CCDC171: variants seen among roughly 807,000 people sequenced by gnomAD.
CCDC171 encodes the protein coiled-coil domain containing 171, also known as coiled-coil domain-containing protein 171.
In CCDC171, 177 loss-of-function variants were observed where a neutral mutation model predicts 168.2. The ratio of observed to expected loss-of-function variants is 1.05; its 90% CI spans 0.93 to 1.19. The LOEUF is 1.19. Ranked by LOEUF, CCDC171 falls within the 50% of genes most tolerant of loss-of-function variation. CCDC171 has a pLI of 0.00. For synonymous variants in CCDC171, 687 were observed against 540.8 expected (o/e 1.27, Z -3.75); for missense variants, 1,991 against 1,539.0 (o/e 1.29, Z -4.91).
intron 8 of CCDC171, among the ~76,000 whole-genome samples, chr9:15,662,607 G>T (rs2048400754): frequency 6.6e-6 from 1 of 152,070 alleles, no homozygotes; most frequent in Non-Finnish European, 1.5e-5. Flanking sequence ...AGACTGTGTA[G>T]TTTCATTATT....
At chr9:16,024,849 A>G (rs889975511) in intron 6 of CCDC171, among the ~76,000 whole-genome samples, 6 of 152,238 alleles carry the variant, frequency 3.9e-5, no homozygotes, top group African/African-American at 1.4e-4. Flanking sequence ...CAGAGATAGT[A>G]TCCTGGGAAG....
Position 15,644,488 on chromosome 9 carries a change from C to T in CCDC171, c.823-12639C>T, listed in dbSNP as rs1587692857. Among the ~76,000 whole-genome samples the T allele has an allele frequency of 7.9e-5, 12 of 152,274 alleles. 1 individual carries two copies. The South Asian group carries it at 2.5e-3, about 32-fold the overall frequency. ...TGCAAGGGGTCAGGGAATTCCCTTT[C>T]CTAGCTAAGGGAAGCTGTGACAGAT... is the stretch of plus-strand genomic sequence containing the variant. On this transcript the variant is annotated intron_variant, in intron 7 of 25. Coordinates refer to ENST00000380701, the MANE Select transcript of CCDC171 (RefSeq NM_173550.4).
chr9:15,720,918 T>G (rs2053437444), intron 11 of CCDC171, among the ~76,000 whole-genome samples: 1 of 152,194 alleles, frequency 6.6e-6, no homozygotes, highest in Non-Finnish European at 1.5e-5. Flanking sequence ...AATTCCCACC[T>G]ATGAGTGAGA....
chr9:15,688,231 A>C (rs937587874), intron 10 of CCDC171, among the ~76,000 whole-genome samples: 1 of 152,138 alleles, frequency 6.6e-6, no homozygotes, highest in African/African-American at 2.4e-5. Flanking sequence ...TAGTAATCAA[A>C]AAAACTCCCA....
chr9:15,825,195 A>G (rs1202941405), intron 21 of CCDC171, among the ~76,000 whole-genome samples: 1 of 152,086 alleles, frequency 6.6e-6, no homozygotes, highest in Non-Finnish European at 1.5e-5. Context: ...GTGTTTGTGG[A>G]ATTTAGATTG....
intron 3 of CCDC171, among the ~76,000 whole-genome samples, chr9:16,018,789 G>C (rs1417528618): frequency 6.6e-6 from 1 of 152,144 alleles, no homozygotes; most frequent in African/African-American, 2.4e-5. Flanking sequence ...GATACCCAAG[G>C]GAGCTACAAA....
Position 15,920,317 on chromosome 9 carries a change from AATC to A in CCDC171, c.3651_3653del (p.Ile1217del). ...ATGTCTACCAGCTTGCAAGCACTAG[AATC>A]ATGACATTAGAGAAGGAAATGACAT... On this transcript the variant is annotated inframe_deletion, in exon 25 of 26. Coordinates refer to ENST00000380701, the MANE Select transcript of CCDC171 (RefSeq NM_173550.4). 1 of 1,608,196 alleles carries A rather than the reference AATC, an allele frequency of 6.2e-7. No individual in the cohort carries two copies. Among genetic ancestry groups the A allele is most frequent in the Non-Finnish European group, 8.5e-7 (1 of 1,176,172 alleles).
chr9:15,857,022 A>G (rs115672890), intron 23 of CCDC171, among the ~76,000 whole-genome samples: 2 of 151,930 alleles, frequency 1.3e-5, no homozygotes, highest in African/African-American at 4.8e-5. Context: ...GGATAAATGT[A>G]TATTCAAGTT....
intron 24 of CCDC171, among the ~76,000 whole-genome samples, chr9:15,906,044 C>CAA: frequency 6.6e-6 from 1 of 151,872 alleles, no homozygotes; most frequent in African/African-American, 2.4e-5. Flanking sequence ...GCTTACCAAC[C>CAA]AAAAAAAATC....
chr9:16,091,450 G>C, the CCDC171 span, among the ~76,000 whole-genome samples: 1 of 152,200 alleles, frequency 6.6e-6, no homozygotes, highest in Non-Finnish European at 1.5e-5. Context: ...TCATGAAATT[G>C]GGAAATCTGA....
intron 23 of CCDC171, among the ~76,000 whole-genome samples, chr9:15,851,227 A>C (rs949044976): frequency 6.6e-6 from 1 of 151,986 alleles, no homozygotes; most frequent in African/African-American, 2.4e-5. Flanking sequence ...TATATTACAC[A>C]GAACAGTTGA....
intron 25 of CCDC171, among the ~76,000 whole-genome samples, chr9:15,958,114 C>CCATTCATTCATT (rs34099313): frequency 2.0e-5 from 3 of 150,672 alleles, no homozygotes; most frequent in African/African-American, 4.9e-5. Context: ...ACTCACTCAT[C>CCATTCATTCATT]CATTCATTCA....
At chr9:16,070,047 G>A in the CCDC171 span, among the ~76,000 whole-genome samples, 1 of 152,136 alleles carries the variant, frequency 6.6e-6, no homozygotes, top group Non-Finnish European at 1.5e-5. Context: ...GAGGGTGTGT[G>A]CTCTCATGAA....
At chr9:15,679,787 G>A (rs1289142860) in intron 10 of CCDC171, among the ~76,000 whole-genome samples, 2 of 152,134 alleles carry the variant, frequency 1.3e-5, no homozygotes, top group Non-Finnish European at 2.9e-5. Context: ...GGCCTCAAGT[G>A]GTCCTCCTGT....
At chr9:16,017,885 G>A (rs1165531367) in intron 3 of CCDC171, among the ~76,000 whole-genome samples, 1 of 152,182 alleles carries the variant, frequency 6.6e-6, no homozygotes, top group African/African-American at 2.4e-5. Flanking sequence ...GGGTCACAGA[G>A]AGAACTGCTC....
intron 21 of CCDC171, among the ~76,000 whole-genome samples, chr9:15,802,560 A>G (rs1283195787): frequency 6.6e-6 from 1 of 152,138 alleles, no homozygotes; most frequent in African/African-American, 2.4e-5. Context: ...CTCCAGCTCC[A>G]TCTATGTCCC....
At chr9:15,842,587 T>G (rs1362730842) in intron 21 of CCDC171, among the ~76,000 whole-genome samples, 1 of 151,990 alleles carries the variant, frequency 6.6e-6, no homozygotes, top group African/African-American at 2.4e-5. Context: ...ATAAGGTTTT[T>G]TTTCTAAAGA....
the CCDC171 span, among the ~76,000 whole-genome samples, chr9:16,095,468 C>T: frequency 6.6e-6 from 1 of 152,098 alleles, no homozygotes; most frequent in Non-Finnish European, 1.5e-5. Context: ...CTTTCTCTCT[C>T]CCCACTCTTT....
At chr9:15,680,973 A>G (rs2050001686) in intron 10 of CCDC171, among the ~76,000 whole-genome samples, 1 of 152,168 alleles carries the variant, frequency 6.6e-6, no homozygotes, top group Non-Finnish European at 1.5e-5. Flanking sequence ...GTAGATACAA[A>G]ATAAAATGAG....
Sources: allele counts gnomAD v4.1 joint callset (sites outside exome capture counted in the v4.1 genomes callset), GRCh38; gene constraint gnomAD v4.1.1; transcripts MANE v1.5; gene names NCBI Gene and HGNC (gene_info 2026-07-23, HGNC 2026-07-21).